The following ADORA1 variants were observed in gnomAD, a reference collection of about 807,000 sequenced individuals.
ADORA1 encodes adenosine receptor A1.
A neutral mutation model predicts 19.9 loss-of-function variants in ADORA1; 6 were observed. The observed-to-expected ratio is 0.30, with a 90% CI of 0.17 to 0.59. The LOEUF (loss-of-function observed/expected upper bound fraction) is 0.59, where lower values mean the gene tolerates loss of function less well. Among genes scored for constraint, ADORA1 ranks in the 20% least tolerant of loss-of-function variants. ADORA1 has a pLI of 0.87. For synonymous variants in ADORA1, 194 were observed against 188.4 expected, an observed-to-expected ratio of 1.03 and a Z score of -0.24; for missense variants, 302 against 439.2, an observed-to-expected ratio of 0.69 and a Z score of 2.79.
intron 3 of ADORA1, among the ~76,000 whole-genome samples, chr1:203,159,714 G>C (rs1655304105): frequency 6.6e-6 from 1 of 152,186 alleles, no homozygotes; most frequent in African/African-American, 2.4e-5. Flanking sequence ...TCATGAGTCT[G>C]TTCTCTTCTA....
At chr1:203,157,577 C>T (rs1368119457) in intron 3 of ADORA1, among the ~76,000 whole-genome samples, 1 of 152,184 alleles carries the variant, frequency 6.6e-6, no homozygotes, top group East Asian at 1.9e-4. Flanking sequence ...GGAGGCATTG[C>T]CCTGGTGAGG....
At chr1:203,140,869 C>A (rs962785365) in intron 3 of ADORA1, among the ~76,000 whole-genome samples, 1 of 152,194 alleles carries the variant, frequency 6.6e-6, no homozygotes, top group African/African-American at 2.4e-5. Flanking sequence ...CTACCCCAGG[C>A]CTCTGCCTCT....
intron 3 of ADORA1, among the ~76,000 whole-genome samples, chr1:203,143,704 A>G (rs541873478): frequency 1.5e-3 from 223 of 152,346 alleles, no homozygotes; most frequent in Non-Finnish European, 2.5e-3. Flanking sequence ...TGGTCCAGAC[A>G]AAAGTCTGAG....
At chr1:203,140,014 T>C (rs1348810399) in intron 3 of ADORA1, among the ~76,000 whole-genome samples, 1 of 152,094 alleles carries the variant, frequency 6.6e-6, no homozygotes. Context: ...TTTAAAAAGG[T>C]CAAAAGTCCT....
intron 3 of ADORA1, among the ~76,000 whole-genome samples, chr1:203,163,483 A>G (rs1655435182): frequency 1.3e-5 from 2 of 152,176 alleles, no homozygotes. Context: ...CAGAGGCACA[A>G]GTGCACTGGT....
At position 203,165,054 on chromosome 1, in the gene ADORA1, A is replaced by G. The variant is rs1454087818; in HGVS notation, c.342-207A>G. 1.9e-6 allele frequency: 3 copies of G among 1,550,370 alleles called. No individual in the cohort carries two copies. The highest frequency in any genetic ancestry group is 2.7e-5 in the African/African-American group (2 of 73,044). On this transcript the variant is annotated intron_variant, in intron 3 of 3. Transcript: ENST00000337894. This position sits in a 1 kb window ranked among gnomAD's most constrained non-coding sequence, Gnocchi z 5.9. The stretch of plus-strand genomic sequence containing the variant: ...ATTAATCAGGATTTCCTCTCTCTGT[A>G]GGAGAATAAGCCAATGCATGGCAAG...
intron 3 of ADORA1, among the ~76,000 whole-genome samples, chr1:203,141,315 G>C (rs1030984010): frequency 1.3e-5 from 2 of 152,236 alleles, no homozygotes; most frequent in African/African-American, 4.8e-5. Flanking sequence ...TGTGGGCGGT[G>C]AGAGCCAGAC....
chr1:203,165,540 C>A lies in ADORA1; in HGVS notation c.621C>A (p.Ile207=). 2 of 1,613,924 alleles carry A rather than the reference C, an allele frequency of 1.2e-6. No homozygotes were observed. Among genetic ancestry groups the A allele is most frequent in the Non-Finnish European group, 1.7e-6 (2 of 1,179,832 alleles). The part of the protein sequence containing the change: ...VLIYLEVFYL[I]RKQLNKKVSA... ...TCTACCTGGAGGTCTTCTACCTAAT[C>A]CGCAAGCAGCTCAACAAGAAGGTGT... Residue 207 remains isoleucine (I), a synonymous_variant, in exon 4 of 4, where the codon ATC becomes ATA. Transcript: ENST00000337894. The surrounding 1 kb of genome is among the most constrained non-coding windows in gnomAD (Gnocchi z 5.9).
intron 3 of ADORA1, among the ~76,000 whole-genome samples, chr1:203,144,267 C>T (rs747838291): frequency 1.3e-5 from 2 of 152,176 alleles, no homozygotes; most frequent in Non-Finnish European, 2.9e-5. Flanking sequence ...TCAAATTGCA[C>T]TGGCGTGTGA....
In ADORA1 at chr1:203,161,331, G is replaced by A. The variant is rs1193549223; in HGVS notation, c.342-3930G>A. ...TTTTAAAAATAACACACAGGTGGGC[G>A]TGGTGGCTCATACCTGTAATTCCAG... On this transcript the variant is annotated intron_variant, in intron 3 of 3. Coordinates refer to ENST00000337894, the MANE Select transcript of ADORA1 (RefSeq NM_000674.3). 3.3e-5 allele frequency among the ~76,000 whole-genome samples: 5 copies of A among 152,192 alleles called. 1 individual carries two copies. Among genetic ancestry groups the A allele is most frequent in the East Asian group, 1.9e-4 (1 of 5,194 alleles).
chr1:203,137,383 A>G (rs913445401), intron 3 of ADORA1, among the ~76,000 whole-genome samples: 11 of 152,208 alleles, frequency 7.2e-5, no homozygotes, highest in Admixed American at 7.2e-4. Flanking sequence ...CATGGAGGCC[A>G]CTGGAAAGAC....
intron 3 of ADORA1, among the ~76,000 whole-genome samples, chr1:203,132,430 T>G (rs1654372325): frequency 6.6e-6 from 1 of 152,088 alleles, no homozygotes; most frequent in African/African-American, 2.4e-5. Flanking sequence ...TGAGGGATGG[T>G]GGGTGTTTGC....
Position 203,128,529 on chromosome 1 carries a change from A to G in ADORA1, c.-58+97A>G. The G allele has an allele frequency of 3.0e-6, 3 of 1,008,840 alleles. No homozygotes were observed. Among genetic ancestry groups the G allele is most frequent in the Non-Finnish European group, 4.0e-6 (3 of 742,550 alleles). The allele number at this position is 1,008,840 out of a possible 1,614,324, so 62.5% of individuals were successfully genotyped here. On this transcript the variant is annotated intron_variant, in intron 2 of 3. Transcript: ENST00000337894. This position sits in a 1 kb window ranked among gnomAD's most constrained non-coding sequence, Gnocchi z 5.9. ...TGTCTGTGTGTGCGCGCGCGCTGGG[A>G]GCTGCCTCACACCTGATAAAAAAGC...
chr1:203,141,920 A>T (rs1046556174), intron 3 of ADORA1, among the ~76,000 whole-genome samples: 7 of 152,072 alleles, frequency 4.6e-5, no homozygotes, highest in Admixed American at 6.6e-5. Flanking sequence ...TTTCCAAGAG[A>T]CATCTTCCTC....
intron 3 of ADORA1, among the ~76,000 whole-genome samples, chr1:203,164,575 C>A (rs1336030776): frequency 6.6e-6 from 1 of 152,036 alleles, no homozygotes; most frequent in Non-Finnish European, 1.5e-5. Flanking sequence ...GAGGTAAGTG[C>A]TGCACAGTGA....
chr1:203,154,492 C>G (rs1655132892), intron 3 of ADORA1, among the ~76,000 whole-genome samples: 1 of 152,114 alleles, frequency 6.6e-6, no homozygotes, highest in Non-Finnish European at 1.5e-5. Flanking sequence ...GAAGCTACCC[C>G]AAGGCAGAAG....
At chr1:203,136,884 A>G (rs554328419) in intron 3 of ADORA1, among the ~76,000 whole-genome samples, 1 of 152,218 alleles carries the variant, frequency 6.6e-6, no homozygotes, top group African/African-American at 2.4e-5. Context: ...TTTATTCAAC[A>G]AATACTTATT....
intron 3 of ADORA1, among the ~76,000 whole-genome samples, chr1:203,134,044 C>G (rs1020894712): frequency 1.3e-5 from 2 of 149,926 alleles, no homozygotes; most frequent in African/African-American, 2.5e-5. Flanking sequence ...GATCCTGTAT[C>G]TAAGGATGGA....
At chr1:203,148,155 G>T (rs1654921561) in intron 3 of ADORA1, among the ~76,000 whole-genome samples, 1 of 152,212 alleles carries the variant, frequency 6.6e-6, no homozygotes. Flanking sequence ...GGTGGCAGAG[G>T]TTGCTGTGAG....
Sources: allele counts gnomAD v4.1 joint callset (sites outside exome capture counted in the v4.1 genomes callset), GRCh38; gene constraint gnomAD v4.1.1; non-coding constraint Gnocchi (gnomAD v3.1); transcripts MANE v1.5; gene names NCBI Gene and HGNC (gene_info 2026-07-23, HGNC 2026-07-21).